The following APLF variants were observed in gnomAD, a reference collection of about 807,000 sequenced individuals.
The protein encoded by APLF is aprataxin and PNK-like factor.
A neutral mutation model predicts 55.6 loss-of-function variants in APLF; 61 were observed. The observed-to-expected ratio is 1.10, with a 90% CI of 0.89 to 1.36. APLF has a LOEUF of 1.36. APLF is among the 40% of genes most tolerant of loss of function. The pLI is 0.00. For synonymous variants in APLF, 207 were observed against 214.8 expected (o/e 0.96, Z 0.32); for missense variants, 611 against 602.5 (o/e 1.01, Z -0.15).
chr2:68,535,974 A>G (rs184321529), intron 6 of APLF, among the ~76,000 whole-genome samples: 23 of 152,324 alleles, frequency 1.5e-4, no homozygotes, highest in Admixed American at 1.4e-3. Flanking sequence ...ATTTTATTGA[A>G]CATCTGTTAG....
chr2:68,529,287 G>A lies in APLF; in HGVS notation c.804+3045G>A. The A allele has an allele frequency of 7.4e-7, 1 of 1,355,796 alleles. No homozygotes were observed. Among genetic ancestry groups the A allele is most frequent in the Non-Finnish European group, 9.6e-7 (1 of 1,039,470 alleles). The allele number at this position is 1,355,796 out of a possible 1,614,324, so 84.0% of individuals were successfully genotyped here. ...GGAAAAGAAGGCCCAAGATGTCGCT[G>A]ACGGTTGAAGAGGAGTGGGAAACAG... On this transcript the variant is annotated intron_variant, in intron 6 of 9. Coordinates refer to ENST00000303795, the MANE Select transcript of APLF (RefSeq NM_173545.3). The surrounding 1 kb of genome is among the most constrained non-coding windows in gnomAD (Gnocchi z 4.4).
intron 1 of APLF, among the ~76,000 whole-genome samples, chr2:68,477,486 A>C (rs1012083327): frequency 6.6e-6 from 1 of 152,106 alleles, no homozygotes; most frequent in Non-Finnish European, 1.5e-5. Flanking sequence ...TAAATTAAAA[A>C]AAAAATTAGC....
chr2:68,571,259 A>T (rs912920521), intron 9 of APLF, among the ~76,000 whole-genome samples: 6 of 151,888 alleles, frequency 4.0e-5, no homozygotes, highest in Non-Finnish European at 7.4e-5. Context: ...GTTCACTCTG[A>T]TGGTAGTTTC....
At chr2:68,524,536 G>T (rs367864602) in intron 5 of APLF, among the ~76,000 whole-genome samples, 1 of 152,220 alleles carries the variant, frequency 6.6e-6, no homozygotes, top group East Asian at 1.9e-4. Flanking sequence ...AGGCAGAGTT[G>T]AGTAGTAGTG....
intron 6 of APLF, among the ~76,000 whole-genome samples, chr2:68,527,785 GCCGGGCAGAGGCGCTCCTCA>G (rs1670115021): frequency 2.0e-5 from 3 of 150,374 alleles, no homozygotes; most frequent in African/African-American, 7.4e-5. Context: ...GAGGGCGGGG[GCCGGGCAGAGGCGCTCCTCA>G]CTGCCCAGAT....
rs528223856 is a variant in APLF at position 68,527,245 on chromosome 2, C to T, written c.804+1003C>T. Among the ~76,000 whole-genome samples the T allele has an allele frequency of 2.0e-5, 3 of 150,074 alleles. No individual in the cohort carries two copies. The South Asian group carries it at 6.4e-4, about 32-fold the overall frequency. ...GCCAGGCAGAGGCGCTTCTCATTTC[C>T]CAGACGGTGAGGAGGCGGGGCAGAG... is the stretch of plus-strand genomic sequence containing the variant. On this transcript the variant is annotated intron_variant, in intron 6 of 9. Coordinates refer to ENST00000303795, the MANE Select transcript of APLF (RefSeq NM_173545.3).
chr2:68,537,906 G>C lies in APLF; in HGVS notation c.839G>C (p.Ser280Thr), dbSNP rs1032572906. 1 of 1,598,474 alleles carries C rather than the reference G, an allele frequency of 6.3e-7. No homozygotes were observed. Among genetic ancestry groups the C allele is most frequent in the Non-Finnish European group, 8.5e-7 (1 of 1,174,352 alleles). ...MPQSFSAITL[S>T]NTEMNNIKTN... is the part of the protein sequence containing the mutation. ...CAATCATTTTCTGCAATCACATTAA[G>C]TAACACAGAGATGAATAATATTAAG... Residue 280 changes from serine to threonine, a missense_variant, in exon 7 of 10, where the codon AGT (serine) becomes ACT (threonine). Coordinates refer to ENST00000303795, the MANE Select transcript of APLF (RefSeq NM_173545.3).
chr2:68,518,976 A>G (rs1367243300), intron 5 of APLF, among the ~76,000 whole-genome samples: 4 of 123,650 alleles, frequency 3.2e-5, no homozygotes, highest in African/African-American at 1.3e-4. Context: ...ATAATATGCT[A>G]TTAATATACA....
chr2:68,533,907 T>C (rs1670323647), intron 6 of APLF, among the ~76,000 whole-genome samples: 1 of 152,048 alleles, frequency 6.6e-6, no homozygotes, highest in Non-Finnish European at 1.5e-5. Context: ...CCTTGAAATG[T>C]TTTCAGTCAC....
chr2:68,527,780 C>A (rs558239583), intron 6 of APLF, among the ~76,000 whole-genome samples: 1 of 133,922 alleles, frequency 7.5e-6, no homozygotes, highest in South Asian at 2.5e-4. Flanking sequence ...CCAGAGAGGG[C>A]GGGGGCCGGG....
At chr2:68,531,078 T>C (rs1483446471) in intron 6 of APLF, among the ~76,000 whole-genome samples, 1 of 152,250 alleles carries the variant, frequency 6.6e-6, no homozygotes, top group African/African-American at 2.4e-5. Flanking sequence ...GGATCACTTC[T>C]GGGCTGACAG....
chr2:68,478,953 T>C (rs1675868095), intron 1 of APLF, among the ~76,000 whole-genome samples: 1 of 152,170 alleles, frequency 6.6e-6, no homozygotes, highest in Non-Finnish European at 1.5e-5. Flanking sequence ...TGAAAATCCT[T>C]TTTCTGAATT....
chr2:68,524,600 A>G (rs1386278315), intron 5 of APLF, among the ~76,000 whole-genome samples: 3 of 152,234 alleles, frequency 2.0e-5, no homozygotes, highest in Non-Finnish European at 4.4e-5. Flanking sequence ...GGCTTTTTAC[A>G]GAAAAAGTTT....
intron 8 of APLF, among the ~76,000 whole-genome samples, chr2:68,560,469 A>T (rs906093623): frequency 1.3e-5 from 2 of 152,182 alleles, no homozygotes; most frequent in African/African-American, 4.8e-5. Flanking sequence ...ACAAAGATTT[A>T]TAACTTTGTC....
At chr2:68,516,884 A>G (rs944761360) in intron 5 of APLF, among the ~76,000 whole-genome samples, 2 of 133,348 alleles carry the variant, frequency 1.5e-5, no homozygotes, top group African/African-American at 5.6e-5. Context: ...ATAATGTTAT[A>G]TATAATATAA....
At chr2:68,542,216 G>T (rs1670571905) in intron 7 of APLF, among the ~76,000 whole-genome samples, 1 of 152,016 alleles carries the variant, frequency 6.6e-6, no homozygotes, top group Admixed American at 6.6e-5. Context: ...AAGAAAATGG[G>T]GGAGAAGCTT....
Position 68,529,516 on chromosome 2 carries a change from C to T in APLF, c.804+3274C>T, listed in dbSNP as rs1441609766. On this transcript the variant is annotated intron_variant, in intron 6 of 9. Transcript: ENST00000303795. The surrounding 1 kb of genome is among the most constrained non-coding windows in gnomAD (Gnocchi z 4.4). ...CTAAGGGTCAGAAGCGGAGAGGATA[C>T]TCCTAAGTCACCCACTTCTCTGTGG... The T allele has an allele frequency of 2.0e-6, 2 of 993,928 alleles. No homozygotes were observed. Among genetic ancestry groups the T allele is most frequent in the Middle Eastern group, 4.9e-4 (1 of 2,028 alleles). 61.6% of individuals were successfully genotyped at this position (993,928 alleles called of 1,614,324 possible).
At chr2:68,565,013 C>T (rs1418485071) in intron 8 of APLF, among the ~76,000 whole-genome samples, 1 of 152,012 alleles carries the variant, frequency 6.6e-6, no homozygotes, top group Non-Finnish European at 1.5e-5. Context: ...CTTTGTTACC[C>T]ATATTTCAAG....
intron 1 of APLF, among the ~76,000 whole-genome samples, chr2:68,483,815 G>A (rs564815959): frequency 5.9e-5 from 9 of 152,072 alleles, no homozygotes; most frequent in African/African-American, 2.2e-4. Context: ...GTTCTTATAT[G>A]TACAGGAACC....
Sources: allele counts gnomAD v4.1 joint callset (sites outside exome capture counted in the v4.1 genomes callset), GRCh38; gene constraint gnomAD v4.1.1; non-coding constraint Gnocchi (gnomAD v3.1); transcripts MANE v1.5; gene names NCBI Gene and HGNC (gene_info 2026-07-23, HGNC 2026-07-21).